The following APBA2 variants were observed in gnomAD, a reference collection of about 807,000 sequenced individuals.
APBA2 encodes the protein amyloid-beta A4 precursor protein-binding family A member 2.
Under a neutral mutation model 75.0 loss-of-function variants are expected in APBA2, and 30 were observed. The observed-to-expected ratio is 0.40, with a 90% CI of 0.30 to 0.54. APBA2 has a LOEUF of 0.54. Ranked by LOEUF, APBA2 falls within the 20% of genes least tolerant of loss-of-function variation. The pLI is 0.49. For synonymous variants in APBA2, 444 were observed against 409.6 expected (o/e 1.08, Z -1.01); for missense variants, 801 against 1,016.1 (o/e 0.79, Z 2.88).
intron 3 of APBA2, among the ~76,000 whole-genome samples, chr15:29,029,040 T>C (rs2040360448): frequency 6.6e-6 from 1 of 152,244 alleles, no homozygotes; most frequent in Non-Finnish European, 1.5e-5. Flanking sequence ...TTTTTGCTTT[T>C]GATGCAGTTG....
At position 29,098,328 on chromosome 15, in the gene APBA2, G is replaced by C. The variant is rs866450624; in HGVS notation, c.1252-162G>C. Among the ~76,000 whole-genome samples the C allele has an allele frequency of 2.0e-5, 3 of 152,174 alleles. No individual in the cohort carries two copies. The highest frequency in any genetic ancestry group is 7.2e-5 in the African/African-American group (3 of 41,450). On this transcript the variant is annotated intron_variant, in intron 8 of 14. Transcript: ENST00000683413. ...AGTGCTTCTTATCTTTTATCTTTTT[G>C]ACGAGAGCCATTCTGACAGATATGA... is the stretch of plus-strand genomic sequence containing the variant.
intron 13 of APBA2, among the ~76,000 whole-genome samples, chr15:29,111,595 C>G (rs2044733568): frequency 6.6e-6 from 1 of 152,134 alleles, no homozygotes; most frequent in African/African-American, 2.4e-5. Flanking sequence ...GCGGTAAACA[C>G]CGGGCCCTTC....
intron 6 of APBA2, among the ~76,000 whole-genome samples, chr15:29,078,457 A>G (rs1435435483): frequency 6.6e-6 from 1 of 151,544 alleles, no homozygotes; most frequent in East Asian, 2.0e-4. Flanking sequence ...CTAAAAATAC[A>G]AAAATTAGCC....
At chr15:29,042,857 C>A (rs2041120462) in intron 3 of APBA2, among the ~76,000 whole-genome samples, 1 of 152,052 alleles carries the variant, frequency 6.6e-6, no homozygotes, top group Non-Finnish European at 1.5e-5. Flanking sequence ...TGCACGGGGT[C>A]CTGGCAGCTG....
chr15:29,098,712 C>T (rs59616706), intron 9 of APBA2, 136 bp downstream of exon 9: 105,985 of 778,602 alleles, frequency 0.14, 7,605 homozygotes, highest in East Asian at 0.21. Context: ...GCCCATAGCC[C>T]GGGCTGCGGG....
intron 4 of APBA2, 125 bp from the exon 5 acceptor site, chr15:29,074,796 C>T: frequency 1.3e-6 from 1 of 762,062 alleles, no homozygotes; most frequent in Non-Finnish European, 2.3e-6. Flanking sequence ...CGTCTGCACA[C>T]ACACCTATAC....
chr15:28,892,085 GT>G (rs373499018), intron 1 of APBA2, among the ~76,000 whole-genome samples: 76,806 of 151,600 alleles, frequency 0.51, 20,314 homozygotes, highest in African/African-American at 0.66. Flanking sequence ...ATATATATAT[GT>G]TTTTTTGAGA....
chr15:28,929,125 C>A (rs2034431444), intron 2 of APBA2, among the ~76,000 whole-genome samples: 1 of 152,124 alleles, frequency 6.6e-6, no homozygotes, highest in Non-Finnish European at 1.5e-5. Flanking sequence ...AACTCCAATC[C>A]TTCCCCTGCT....
chr15:28,952,045 C>A (rs547961336), intron 2 of APBA2, among the ~76,000 whole-genome samples: 2 of 151,974 alleles, frequency 1.3e-5, no homozygotes, highest in Non-Finnish European at 2.9e-5. Context: ...TGCACCACCA[C>A]GCCTGGCTAA....
At chr15:29,021,432 G>A (rs1045300178) in intron 3 of APBA2, among the ~76,000 whole-genome samples, 2 of 152,112 alleles carry the variant, frequency 1.3e-5, no homozygotes, top group African/African-American at 4.8e-5. Context: ...GGAGGCTGAG[G>A]CAGGAGAATC....
intron 14 of APBA2, 83 bp from the exon 15 acceptor site, chr15:29,116,979 G>A: frequency 7.0e-7 from 1 of 1,434,180 alleles, no homozygotes; most frequent in Non-Finnish European, 9.8e-7. Context: ...ACTCTGGGGG[G>A]TTTGCCTCTG....
intron 3 of APBA2, among the ~76,000 whole-genome samples, chr15:29,016,994 G>A (rs1339303009): frequency 1.3e-5 from 2 of 152,164 alleles, no homozygotes; most frequent in African/African-American, 4.8e-5. Context: ...AACTGTGTAA[G>A]TTCAGTCCGT....
At chr15:28,976,019 C>T (rs866998489) in intron 2 of APBA2, among the ~76,000 whole-genome samples, 3 of 152,188 alleles carry the variant, frequency 2.0e-5, no homozygotes, top group Non-Finnish European at 2.9e-5. Context: ...CAAACATGCT[C>T]ATGGCATATG....
chr15:29,033,895 G>C (rs2040609569), intron 3 of APBA2, among the ~76,000 whole-genome samples: 1 of 150,100 alleles, frequency 6.7e-6, no homozygotes, highest in African/African-American at 2.5e-5. Flanking sequence ...AACCCAGGAG[G>C]TGGAGCTTGC....
intron 1 of APBA2, among the ~76,000 whole-genome samples, chr15:28,904,391 T>C (rs1448482805): frequency 6.6e-6 from 1 of 152,260 alleles, no homozygotes; most frequent in Non-Finnish European, 1.5e-5. Flanking sequence ...TTGTTTAGAA[T>C]GTTTTTCTGC....
intron 2 of APBA2, among the ~76,000 whole-genome samples, chr15:28,965,652 T>C (rs1247327330): frequency 6.6e-6 from 1 of 152,222 alleles, no homozygotes; most frequent in African/African-American, 2.4e-5. Context: ...TGTCATTTTG[T>C]AATTTTTATT....
rs374893659 is a variant in APBA2 at position 29,114,424 on chromosome 15, T to C, written c.2178+408T>C. ...GAACCCCCCACAGTCCAGTTCTTTCTGGCATCGCTTCCACGGCAGTGTGAG... is the reference window on the plus strand; with the variant it reads ...GAACCCCCCACAGTCCAGTTCTTTCCGGCATCGCTTCCACGGCAGTGTGAG... On this transcript the variant is annotated intron_variant, in intron 14 of 14. Transcript: ENST00000683413. Among the ~76,000 whole-genome samples the C allele has an allele frequency of 1.1e-4, 17 of 152,278 alleles. 1 individual carries two copies. The South Asian group carries it at 1.5e-3, about 13-fold the overall frequency.
At chr15:28,974,651 A>T (rs1359624338) in intron 2 of APBA2, among the ~76,000 whole-genome samples, 2 of 152,250 alleles carry the variant, frequency 1.3e-5, no homozygotes, top group African/African-American at 4.8e-5. Flanking sequence ...AAGGCCCTTC[A>T]ATTTGAAGAG....
chr15:29,060,780 C>T (rs1033759325), intron 4 of APBA2, among the ~76,000 whole-genome samples: 1 of 151,812 alleles, frequency 6.6e-6, no homozygotes, highest in Non-Finnish European at 1.5e-5. Context: ...GTTGACATAA[C>T]GTATTGATTT....
Sources: gnomAD v4.1 joint callset for allele counts (sites outside exome capture counted in the v4.1 genomes callset) on GRCh38, gnomAD v4.1.1 for gene constraint, MANE v1.5 for transcripts, NCBI Gene and HGNC (gene_info 2026-07-23, HGNC 2026-07-21) for gene names.